Variants in SDAD1 observed in about 807,000 individuals in gnomAD.
SDAD1 encodes SDA1 domain containing 1.
Under a neutral mutation model 100.3 loss-of-function variants are expected in SDAD1, and 79 were observed. That is an observed-to-expected ratio of 0.79 (90% CI 0.66 to 0.95). The LOEUF is 0.95. Ranked by LOEUF, SDAD1 falls within the 40% of genes least tolerant of loss-of-function variation. The probability of loss-of-function intolerance (pLI) is 0.00; values close to 1 mark genes in which losing one functional copy is unlikely to be tolerated. For missense variants in SDAD1, 790 were observed against 810.9 expected, an observed-to-expected ratio of 0.97 and a Z score of 0.31; for synonymous variants, 267 against 271.4, an observed-to-expected ratio of 0.98 and a Z score of 0.16.
intron 14 of SDAD1, among the ~76,000 whole-genome samples, chr4:75,962,453 A>G (rs1015848314): frequency 2.0e-5 from 3 of 152,188 alleles, no homozygotes; most frequent in African/African-American, 4.8e-5. Flanking sequence ...TTCTAGTTCT[A>G]GATCCTTGAG....
At chr4:75,972,087 C>T (rs539765199) in intron 8 of SDAD1, among the ~76,000 whole-genome samples, 4 of 151,840 alleles carry the variant, frequency 2.6e-5, no homozygotes, top group South Asian at 2.1e-4. Flanking sequence ...TACAGGCACA[C>T]GCCACCATGT....
chr4:75,965,068 A>G (rs186924624), intron 13 of SDAD1, among the ~76,000 whole-genome samples: 7 of 152,334 alleles, frequency 4.6e-5, no homozygotes, highest in Admixed American at 3.3e-4. Flanking sequence ...GAACAGAGCC[A>G]TATTTCTCTT....
At chr4:75,971,561 C>T (rs1262950387) in intron 8 of SDAD1, 103 bp from the exon 9 acceptor site, 2 of 828,600 alleles carry the variant, frequency 2.4e-6, no homozygotes, top group Middle Eastern at 2.4e-4. Flanking sequence ...TCTTTGCACA[C>T]AGCTATTAAA....
chr4:75,960,710 G>A (rs1729182125), intron 16 of SDAD1, among the ~76,000 whole-genome samples: 1 of 152,158 alleles, frequency 6.6e-6, no homozygotes, highest in African/African-American at 2.4e-5. Context: ...GTATCTGGCT[G>A]TGCAATAGCC....
intron 4 of SDAD1, among the ~76,000 whole-genome samples, chr4:75,977,138 T>C (rs2149325147): frequency 6.6e-6 from 1 of 152,302 alleles, no homozygotes; most frequent in East Asian, 1.9e-4. Context: ...GCTTCTAGTC[T>C]TATATAAGCA....
intron 3 of SDAD1, among the ~76,000 whole-genome samples, chr4:75,978,991 A>G (rs1165770646): frequency 1.4e-5 from 2 of 145,134 alleles, no homozygotes; most frequent in African/African-American, 5.3e-5. Flanking sequence ...AGAAAAAAAA[A>G]AAAAAAAAAA....
chr4:75,958,045 C>T (rs56296558), intron 17 of SDAD1, 104 bp from the exon 18 acceptor site: 71,716 of 877,790 alleles, frequency 0.082, 3,566 homozygotes, highest in Middle Eastern at 0.15. Flanking sequence ...TGAACAGATA[C>T]ATTATTAACC....
In SDAD1 at chr4:75,975,769, T is replaced by C. The variant is rs1254643001; in HGVS notation, c.553A>G (p.Ile185Val). ...TAAKMSLDVM[I>V]ELYRRNIWND... ...CAGATGTTCCTTCTGTAGAGTTCAA[T>C]CATTACATCTAAAGACATCTTGGCT... The change falls in exon 6 of 22, where the codon ATT (isoleucine) becomes GTT (valine). Residue 185 changes from isoleucine to valine, a missense_variant. Coordinates refer to ENST00000356260, the MANE Select transcript of SDAD1 (RefSeq NM_018115.4). The C allele has an allele frequency of 1.9e-6, 3 of 1,613,348 alleles. No homozygotes were observed. The East Asian group carries it at 6.7e-5, about 36-fold the overall frequency.
chr4:75,976,083 A>G (rs1578138567), intron 4 of SDAD1, 88 bp from the exon 5 acceptor site: 1 of 770,580 alleles, frequency 1.3e-6, no homozygotes, highest in East Asian at 2.7e-5. Context: ...AATGTACAGG[A>G]TGACTTAATT....
rs917808994 is a variant in SDAD1 at position 75,989,882 on chromosome 4, G to A, written c.90+870C>T. On this transcript the variant is annotated intron_variant, in intron 1 of 21. Transcript: ENST00000356260. ...ATATGTGAAAATTTAGGGGAGGAGG[G>A]AAGTGAGAAGGGCAATGAAAAAATA... Among the ~76,000 whole-genome samples the A allele has an allele frequency of 2.6e-5, 4 of 152,178 alleles. No homozygotes were observed. The East Asian group carries it at 7.7e-4, about 29-fold the overall frequency.
chr4:75,973,648 CT>C (rs1422301483), intron 7 of SDAD1, among the ~76,000 whole-genome samples: 1 of 152,124 alleles, frequency 6.6e-6, no homozygotes, highest in Non-Finnish European at 1.5e-5. Flanking sequence ...TCTACATCCC[CT>C]ATAAGAAAAG....
intron 13 of SDAD1, 24 bp downstream of exon 13, chr4:75,965,740 A>C: frequency 6.2e-7 from 1 of 1,604,990 alleles, no homozygotes; most frequent in South Asian, 1.1e-5. Context: ...CCCTAGGTCC[A>C]GAAGTCAGGT....
In SDAD1 at chr4:75,965,784, G is replaced by C; in HGVS notation, c.1084C>G (p.His362Asp). The C allele has an allele frequency of 6.2e-7, 1 of 1,613,838 alleles. No homozygotes were observed. Among genetic ancestry groups the C allele is most frequent in the Non-Finnish European group, 8.5e-7 (1 of 1,179,818 alleles). Reference protein sequence around the residue: ...KILLFAAQASHHLVPPEIIQS... With the variant: ...KILLFAAQASDHLVPPEIIQS... ...CTCACCTCTGGGGGTACTAGGTGAT[G>C]AGATGCTTGTGCAGCAAACAGAAGG... The change falls in exon 13 of 22, where the codon CAT (histidine) becomes GAT (aspartate). Residue 362 changes from histidine (H) to aspartate (D), a missense_variant. Physicochemically the swap from His to Asp is moderately conservative, Grantham distance 81 (BLOSUM62 -1). Transcript: ENST00000356260.
In SDAD1 at chr4:75,956,083, T is replaced by C. The variant is rs767369294; in HGVS notation, c.1908A>G (p.Pro636=). ...EFVRKKTKTN[P]FSSSTNKEKK... Reference sequence around the variant, plus strand: ...TCTCTTTATTTGTCGAACTGGAAAATGGATTTGTTTTGGTTTTCTTCCTCA... The same window carrying C: ...TCTCTTTATTTGTCGAACTGGAAAACGGATTTGTTTTGGTTTTCTTCCTCA... Residue 636 remains proline, a synonymous_variant, in exon 21 of 22, where the codon CCA becomes CCG. Transcript: ENST00000356260. 17 of 1,613,400 alleles carry C rather than the reference T, an allele frequency of 1.1e-5. No homozygotes were observed. Among genetic ancestry groups the C allele is most frequent in the East Asian group, 2.2e-5 (1 of 44,886 alleles).
rs767917925 is a variant in SDAD1, at chr4:75,990,837, G to T, written c.5C>A (p.Ser2Tyr). ...GGGAAGCTTGTTGTTGTTTCTGTTG[G>T]ACATTTTGGCTGCAGACAGACTTCG... The part of the protein sequence containing the change: M[S>Y]NRNNNKLPSN... The change falls in exon 1 of 22, where the codon TCC (serine) becomes TAC (tyrosine). Residue 2 changes from serine (S) to tyrosine (Y), a missense_variant. Transcript: ENST00000356260. 6.2e-7 allele frequency: 1 copy of T among 1,613,970 alleles called. No homozygotes were observed. The highest frequency in any genetic ancestry group is 8.5e-7 in the Non-Finnish European group (1 of 1,180,026).
chr4:75,985,653 C>T (rs1237599796), intron 1 of SDAD1, among the ~76,000 whole-genome samples: 1 of 152,104 alleles, frequency 6.6e-6, no homozygotes. Flanking sequence ...AGGGTCTTCC[C>T]AATACTCTGG....
At chr4:75,978,116 C>T (rs1730260996) in intron 3 of SDAD1, among the ~76,000 whole-genome samples, 1 of 151,836 alleles carries the variant, frequency 6.6e-6, no homozygotes, top group Admixed American at 6.6e-5. Flanking sequence ...GGTGGGATAA[C>T]AACATAATAC....
chr4:75,989,587 G>C (rs967773539), intron 1 of SDAD1, among the ~76,000 whole-genome samples: 1 of 152,310 alleles, frequency 6.6e-6, no homozygotes, highest in Admixed American at 6.5e-5. Context: ...CATAGGCTCA[G>C]CGATTAACCT....
chr4:75,970,473 CTCTT>C, intron 9 of SDAD1, 95 bp from the exon 10 acceptor site: 1 of 846,726 alleles, frequency 1.2e-6, no homozygotes, highest in Admixed American at 2.7e-5. Context: ...GTCCATTAGA[CTCTT>C]TAAAAAGAAA....
Sources: allele counts gnomAD v4.1 joint callset (sites outside exome capture counted in the v4.1 genomes callset), GRCh38; gene constraint gnomAD v4.1.1; transcripts MANE v1.5; gene names NCBI Gene and HGNC (gene_info 2026-07-23, HGNC 2026-07-21).